ROBO1: variants seen among roughly 807,000 people sequenced by gnomAD.
ROBO1 encodes roundabout homolog 1.
In ROBO1, 149 loss-of-function variants were observed where a neutral mutation model predicts 195.9. The observed-to-expected ratio is 0.76, with a 90% CI of 0.67 to 0.87. The LOEUF (loss-of-function observed/expected upper bound fraction) is 0.87, where lower values mean the gene tolerates loss of function less well. Among genes scored for constraint, ROBO1 ranks in the 40% least tolerant of loss-of-function variants. ROBO1 has a pLI of 0.00. For synonymous variants in ROBO1, 816 were observed against 733.2 expected (o/e 1.11, Z -1.82); for missense variants, 1,933 against 2,068.3 (o/e 0.93, Z 1.27).
intron 4 of ROBO1, among the ~76,000 whole-genome samples, chr3:78,904,409 T>C (rs2037767119): frequency 6.6e-6 from 1 of 152,098 alleles, no homozygotes; most frequent in Admixed American, 6.6e-5. Flanking sequence ...TCAGACAGTT[T>C]CTTACACTGG....
intron 2 of ROBO1, among the ~76,000 whole-genome samples, chr3:79,496,474 C>G (rs919320578): frequency 1.9e-4 from 27 of 138,634 alleles, no homozygotes; most frequent in African/African-American, 7.4e-4. Flanking sequence ...AGCTCCGCTT[C>G]CCGGGTTCAC....
chr3:79,452,617 G>A (rs1029725577), intron 2 of ROBO1, among the ~76,000 whole-genome samples: 10 of 151,934 alleles, frequency 6.6e-5, no homozygotes, highest in African/African-American at 2.4e-4. Flanking sequence ...GACTGAACTA[G>A]TCAATTACCT....
chr3:79,051,388 C>T (rs1054706527), intron 3 of ROBO1, among the ~76,000 whole-genome samples: 8 of 152,140 alleles, frequency 5.3e-5, no homozygotes, highest in South Asian at 2.1e-4. Context: ...AGACAAATAA[C>T]AGGCTTTGAA....
At chr3:78,887,606 A>T (rs139356985) in intron 4 of ROBO1, among the ~76,000 whole-genome samples, 163 of 152,314 alleles carry the variant, frequency 1.1e-3, no homozygotes, top group African/African-American at 3.6e-3. Flanking sequence ...TAGCATCTGT[A>T]AGTATCCCTG....
intron 1 of ROBO1, among the ~76,000 whole-genome samples, chr3:79,645,839 T>C (rs189006005): frequency 1.5e-3 from 234 of 152,236 alleles, no homozygotes; most frequent in Non-Finnish European, 2.6e-3. Context: ...TCAACTGATT[T>C]TGGACAAAGG....
At chr3:79,668,376 AATTAAT>A (rs555825025) in intron 1 of ROBO1, among the ~76,000 whole-genome samples, 62 of 151,328 alleles carry the variant, frequency 4.1e-4, no homozygotes, top group African/African-American at 1.4e-3. Flanking sequence ...TATTTTTATA[AATTAAT>A]ATTAAGTTTC....
chr3:78,914,719 A>G (rs1489252824), intron 4 of ROBO1, among the ~76,000 whole-genome samples: 1 of 146,968 alleles, frequency 6.8e-6, no homozygotes, highest in South Asian at 2.1e-4. Flanking sequence ...TATTTTATTT[A>G]TAATTTTATA....
At chr3:78,701,771 T>C (rs2081426630) in intron 8 of ROBO1, among the ~76,000 whole-genome samples, 1 of 152,202 alleles carries the variant, frequency 6.6e-6, no homozygotes, top group Admixed American at 6.5e-5. Context: ...AATCCTCTCC[T>C]AATAACATCG....
chr3:79,044,584 G>A (rs1057370089), intron 3 of ROBO1, among the ~76,000 whole-genome samples: 54 of 152,100 alleles, frequency 3.6e-4, no homozygotes, highest in Admixed American at 2.0e-4. Flanking sequence ...AAAGTACAGT[G>A]AGCTAGTTGA....
At chr3:78,970,574 G>A (rs531409490) in intron 3 of ROBO1, among the ~76,000 whole-genome samples, 1 of 152,194 alleles carries the variant, frequency 6.6e-6, no homozygotes, top group East Asian at 1.9e-4. Flanking sequence ...AATAGGTTAA[G>A]AAGTTCTGAA....
At chr3:79,374,429 A>G (rs1363339986) in intron 2 of ROBO1, among the ~76,000 whole-genome samples, 1 of 152,132 alleles carries the variant, frequency 6.6e-6, no homozygotes, top group Non-Finnish European at 1.5e-5. Context: ...GAAAGAGGAA[A>G]TCTCCCCTCA....
intron 5 of ROBO1, among the ~76,000 whole-genome samples, chr3:78,724,986 T>C (rs1259695562): frequency 6.6e-6 from 1 of 152,216 alleles, no homozygotes; most frequent in African/African-American, 2.4e-5. Context: ...ACAGACACAA[T>C]GTTAAACACT....
At chr3:79,344,643 T>C (rs187053815) in intron 2 of ROBO1, among the ~76,000 whole-genome samples, 2 of 152,162 alleles carry the variant, frequency 1.3e-5, no homozygotes, top group Admixed American at 1.3e-4. Context: ...GTTAATTGAG[T>C]TACAATAATG....
intron 4 of ROBO1, among the ~76,000 whole-genome samples, chr3:78,788,512 A>C (rs1248771252): frequency 6.6e-6 from 1 of 150,588 alleles, no homozygotes; most frequent in African/African-American, 2.4e-5. Flanking sequence ...AAAATAATAA[A>C]GTCTGATATA....
chr3:78,838,797 C>T (rs1373118410), intron 4 of ROBO1, among the ~76,000 whole-genome samples: 2 of 152,090 alleles, frequency 1.3e-5, no homozygotes, highest in Admixed American at 6.6e-5. Context: ...TCAGTTCTTC[C>T]ACTTAGACAT....
chr3:78,748,293 A>G (rs2082706468), intron 4 of ROBO1, among the ~76,000 whole-genome samples: 1 of 152,094 alleles, frequency 6.6e-6, no homozygotes, highest in African/African-American at 2.4e-5. Context: ...TAAAAATACA[A>G]AATTAGCCAG....
At chr3:78,864,608 T>C (rs2035051203) in intron 4 of ROBO1, among the ~76,000 whole-genome samples, 1 of 152,076 alleles carries the variant, frequency 6.6e-6, no homozygotes, top group African/African-American at 2.4e-5. Context: ...AGTAAATACA[T>C]GTATTTTGAA....
At chr3:79,322,492 A>G (rs2034024582) in intron 2 of ROBO1, among the ~76,000 whole-genome samples, 1 of 152,224 alleles carries the variant, frequency 6.6e-6, no homozygotes, top group Admixed American at 6.5e-5. Context: ...GGCATCACAT[A>G]GACTAGGAAA....
At chr3:79,199,398 C>T (rs952116437) in intron 2 of ROBO1, among the ~76,000 whole-genome samples, 1 of 151,716 alleles carries the variant, frequency 6.6e-6, no homozygotes, top group African/African-American at 2.4e-5. Context: ...ATCATTGTAA[C>T]CACTGGGATG....
Sources: allele counts gnomAD v4.1 joint callset (sites outside exome capture counted in the v4.1 genomes callset), GRCh38; gene constraint gnomAD v4.1.1; transcripts MANE v1.5; gene names NCBI Gene and HGNC (gene_info 2026-07-23, HGNC 2026-07-21).